Variants in CDH23 observed in about 807,000 individuals in gnomAD.
CDH23 encodes the protein cadherin-23.
A neutral mutation model predicts 317.1 loss-of-function variants in CDH23; 189 were observed. That is an observed-to-expected ratio of 0.60 (90% CI 0.53 to 0.67). The LOEUF is 0.67. CDH23 is among the 30% of genes least tolerant of loss of function. CDH23 has a pLI of 0.00. For missense variants in CDH23, 4,401 were observed against 4,592.4 expected, an observed-to-expected ratio of 0.96 and a Z score of 1.20; for synonymous variants, 1,839 against 1,876.8, an observed-to-expected ratio of 0.98 and a Z score of 0.52.
chr10:71,542,812 C>G (rs1856056135), intron 6 of CDH23, among the ~76,000 whole-genome samples: 1 of 152,272 alleles, frequency 6.6e-6, no homozygotes, highest in Non-Finnish European at 1.5e-5. Flanking sequence ...CTTCAGCTCT[C>G]CCCACCCCTT....
chr10:71,753,476 C>G (rs1218566446), intron 38 of CDH23, among the ~76,000 whole-genome samples: 2 of 152,202 alleles, frequency 1.3e-5, no homozygotes. Flanking sequence ...TTAGAGGGCT[C>G]CTGGTCCTCT....
chr10:71,743,844 G>A (rs1203909921), intron 38 of CDH23, among the ~76,000 whole-genome samples: 3 of 152,224 alleles, frequency 2.0e-5, no homozygotes, highest in Admixed American at 2.0e-4. Flanking sequence ...TACAGAGAAT[G>A]TGGATTTCAG....
At chr10:71,562,720 CG>C (rs1857196420) in intron 6 of CDH23, among the ~76,000 whole-genome samples, 2 of 152,210 alleles carry the variant, frequency 1.3e-5, no homozygotes, top group Admixed American at 6.5e-5. Flanking sequence ...ACAAAGTCAG[CG>C]GGGCCTGGGA....
At chr10:71,673,434 G>T (rs77654772) in intron 14 of CDH23, among the ~76,000 whole-genome samples, 1,808 of 152,376 alleles carry the variant, frequency 0.012, 13 homozygotes, top group Non-Finnish European at 0.017. Context: ...ATGATTGTCA[G>T]TGGAACCTGG....
chr10:71,543,697 G>A (rs915263966), intron 6 of CDH23, among the ~76,000 whole-genome samples: 6 of 152,220 alleles, frequency 3.9e-5, no homozygotes, highest in African/African-American at 1.4e-4. Context: ...AGGCCCAGAT[G>A]GGCACTGTGA....
intron 2 of CDH23, among the ~76,000 whole-genome samples, chr10:71,444,614 G>T (rs1458878422): frequency 6.6e-6 from 1 of 152,210 alleles, no homozygotes; most frequent in Non-Finnish European, 1.5e-5. Context: ...ACTAGAAATG[G>T]CATCAGCTTG....
chr10:71,791,185 C>A lies in CDH23; in HGVS notation c.6103C>A (p.Pro2035Thr), dbSNP rs777443984. ...CATTGACCGGGAGGCATTCTCGCCA[C>A]CCATCCTGGAGCTGCTGCTGCTGGC... ...VIIDREAFSP[P>T]ILELLLLAED... The change falls in exon 47 of 70, where the codon CCC (proline) becomes ACC (threonine). Residue 2035 changes from proline to threonine, a missense_variant. Around this residue, in one of 3 missense-constraint regions of CDH23, gnomAD observed 3,068 missense variants for 3,203.3 expected, o/e 0.96. Transcript: ENST00000224721. The A allele has an allele frequency of 6.2e-7, 1 of 1,613,238 alleles. No homozygotes were observed. Among genetic ancestry groups the A allele is most frequent in the East Asian group, 2.2e-5 (1 of 44,864 alleles).
intron 2 of CDH23, among the ~76,000 whole-genome samples, chr10:71,440,131 G>A (rs1041744316): frequency 6.6e-6 from 1 of 152,226 alleles, no homozygotes; most frequent in Non-Finnish European, 1.5e-5. Context: ...GGGAATGGGA[G>A]GAGCCTTGAG....
At chr10:71,702,831 T>A in intron 24 of CDH23, 137 bp downstream of exon 24, 1 of 945,924 alleles carries the variant, frequency 1.1e-6, no homozygotes, top group Non-Finnish European at 1.6e-6. Context: ...TCTGGAGATG[T>A]GGAGGGAAGT....
At chr10:71,595,316 G>A (rs927046117) in intron 9 of CDH23, among the ~76,000 whole-genome samples, 1 of 152,068 alleles carries the variant, frequency 6.6e-6, no homozygotes, top group Admixed American at 6.6e-5. Context: ...TTCCATCTTA[G>A]CGATCTTTCT....
At chr10:71,595,121 A>C (rs144565823) in intron 9 of CDH23, among the ~76,000 whole-genome samples, 5 of 152,312 alleles carry the variant, frequency 3.3e-5, no homozygotes, top group Non-Finnish European at 7.3e-5. Context: ...TCGATGAGGC[A>C]TTGCACAGCA....
In CDH23 at chr10:71,732,620, G is replaced by A. The variant is rs1238561491; in HGVS notation, c.4104+245G>A. On this transcript the variant is annotated intron_variant, in intron 32 of 69. Coordinates refer to ENST00000224721, the MANE Select transcript of CDH23 (RefSeq NM_022124.6). ...TGCACTCCAGCCCGGGCAACAGAGT[G>A]AGACCTTGTCTCTTACAAAGAAACA... The A allele has an allele frequency of 2.8e-6, 4 of 1,403,828 alleles. No homozygotes were observed. In the African/African-American group the frequency reaches 4.3e-5, roughly 15 times the overall value. 87.0% of individuals were successfully genotyped at this position (1,403,828 alleles called of 1,614,324 possible).
chr10:71,592,732 A>G (rs1589243899), intron 9 of CDH23, among the ~76,000 whole-genome samples: 1 of 152,294 alleles, frequency 6.6e-6, no homozygotes, highest in Non-Finnish European at 1.5e-5. Flanking sequence ...CCATGTAAGT[A>G]GCATGCAGAG....
Position 71,511,105 on chromosome 10 carries a change from C to G in CDH23, c.337-15C>G. The G allele has an allele frequency of 6.2e-7, 1 of 1,613,632 alleles. No homozygotes were observed. The highest frequency in any genetic ancestry group is 1.7e-5 in the Admixed American group (1 of 60,030). The stretch of plus-strand genomic sequence containing the variant: ...GTCAGGTGGCGGCGCTAATTGCCCG[C>G]CTTTCTCTTGCCAGGTGATCACACG... On this transcript the variant is annotated splice_polypyrimidine_tract_variant and intron_variant, in intron 5 of 69. Transcript: ENST00000224721.
rs1866798398 is a variant in CDH23, at chr10:71,726,139, G to A, written c.3579+619G>A. Among the ~76,000 whole-genome samples the A allele has an allele frequency of 1.3e-5, 2 of 152,072 alleles. 1 individual carries two copies. The highest frequency in any genetic ancestry group is 4.1e-4 in the South Asian group (2 of 4,822). ...CACTGGTTGTGTTATGTGTACTACC[G>A]CCAGCAGGGGGATGACTGAGATGAA... is the stretch of plus-strand genomic sequence containing the variant. On this transcript the variant is annotated intron_variant, in intron 30 of 69. Transcript: ENST00000224721.
At chr10:71,434,766 A>C (rs542535740) in intron 1 of CDH23, among the ~76,000 whole-genome samples, 2 of 152,156 alleles carry the variant, frequency 1.3e-5, no homozygotes, top group South Asian at 2.1e-4. Context: ...GGAGGGAAGC[A>C]GTAGCGGGTG....
chr10:71,481,314 G>C (rs1852052359), intron 3 of CDH23, among the ~76,000 whole-genome samples: 1 of 152,204 alleles, frequency 6.6e-6, no homozygotes, highest in Admixed American at 6.5e-5. Flanking sequence ...GAGCGAAGGG[G>C]TGAAGGCATT....
At chr10:71,648,734 C>G (rs932104363) in intron 14 of CDH23, among the ~76,000 whole-genome samples, 4 of 152,308 alleles carry the variant, frequency 2.6e-5, no homozygotes, top group African/African-American at 9.6e-5. Context: ...ACTGGGGCAG[C>G]TGCTGGGCCT....
At chr10:71,713,159 G>A (rs771859910) in intron 28 of CDH23, 1 of 779,256 alleles carries the variant, frequency 1.3e-6, no homozygotes, top group South Asian at 1.3e-5. Flanking sequence ...TGAGAAGAGA[G>A]CCAGGGCCCA....
Sources: gnomAD v4.1 joint callset for allele counts (sites outside exome capture counted in the v4.1 genomes callset) on GRCh38, gnomAD v4.1.1 for gene constraint, gnomAD v4.1.1 regional missense constraint, MANE v1.5 for transcripts, NCBI Gene and HGNC (gene_info 2026-07-23, HGNC 2026-07-21) for gene names.